The following OSBPL10 variants were observed in gnomAD, a reference collection of about 807,000 sequenced individuals.
OSBPL10 encodes oxysterol binding protein like 10.
A neutral mutation model predicts 81.7 loss-of-function variants in OSBPL10; 49 were observed. The ratio of observed to expected loss-of-function variants is 0.60; its 90% CI spans 0.48 to 0.76. OSBPL10 has a LOEUF of 0.76. OSBPL10 is among the 30% of genes least tolerant of loss of function. The probability of loss-of-function intolerance (pLI) is 0.00; values close to 1 mark genes in which losing one functional copy is unlikely to be tolerated. For synonymous variants in OSBPL10, 419 were observed against 383.6 expected (o/e 1.09, Z -1.08); for missense variants, 923 against 987.8 (o/e 0.93, Z 0.88).
chr3:32,049,828 G>A (rs1699654663), intron 1 of OSBPL10, among the ~76,000 whole-genome samples: 1 of 152,180 alleles, frequency 6.6e-6, no homozygotes, highest in African/African-American at 2.4e-5. Context: ...GCAAGCAGCT[G>A]CCTGAAGTTT....
At chr3:32,046,898 C>G (rs1699627148) in intron 1 of OSBPL10, among the ~76,000 whole-genome samples, 1 of 152,088 alleles carries the variant, frequency 6.6e-6, no homozygotes. Context: ...GAAGTCAGAC[C>G]CTGTTACCAG....
chr3:31,821,034 G>A (rs1699972354), intron 4 of OSBPL10, among the ~76,000 whole-genome samples: 1 of 152,078 alleles, frequency 6.6e-6, no homozygotes, highest in Admixed American at 6.5e-5. Context: ...CTAATTTCCA[G>A]GTGTAACATG....
intron 2 of OSBPL10, chr3:31,991,034 G>A (rs531025598): frequency 3.2e-5 from 47 of 1,477,676 alleles, no homozygotes; most frequent in Middle Eastern, 1.8e-4. Flanking sequence ...TGTTCCAAAT[G>A]CAATGAGTAT....
chr3:31,763,161 G>T (rs943268230), intron 4 of OSBPL10, among the ~76,000 whole-genome samples: 1 of 152,168 alleles, frequency 6.6e-6, no homozygotes, highest in African/African-American at 2.4e-5. Context: ...TCTGCAAATG[G>T]TTTGAAAGTT....
chr3:31,906,550 A>G (rs749191481), intron 1 of OSBPL10, among the ~76,000 whole-genome samples: 10 of 152,184 alleles, frequency 6.6e-5, no homozygotes, highest in Non-Finnish European at 1.2e-4. Context: ...CTCCATAACC[A>G]GGGACATTTT....
chr3:32,001,375 A>T (rs1302497784), intron 2 of OSBPL10, among the ~76,000 whole-genome samples: 1 of 152,206 alleles, frequency 6.6e-6, no homozygotes, highest in Admixed American at 6.5e-5. Flanking sequence ...TCAATAAAAT[A>T]ATAATCATAG....
chr3:31,831,849 T>G (rs1700251100), intron 3 of OSBPL10, among the ~76,000 whole-genome samples: 2 of 152,150 alleles, frequency 1.3e-5, no homozygotes. Flanking sequence ...CATCTCCCCC[T>G]GGCTCCAGCA....
At chr3:31,868,015 T>C (rs112908340) in intron 3 of OSBPL10, among the ~76,000 whole-genome samples, 7 of 150,456 alleles carry the variant, frequency 4.7e-5, no homozygotes, top group African/African-American at 1.5e-4. Context: ...AAACTGCCCA[T>C]GAAAACAAAA....
chr3:32,020,982 T>C (rs1699358956), intron 2 of OSBPL10, among the ~76,000 whole-genome samples: 1 of 152,250 alleles, frequency 6.6e-6, no homozygotes, highest in African/African-American at 2.4e-5. Context: ...CTTTTTGGCT[T>C]GCAGATGGCT....
intron 1 of OSBPL10, among the ~76,000 whole-genome samples, chr3:32,052,765 G>T (rs759332783): frequency 1.2e-4 from 19 of 152,078 alleles, no homozygotes; most frequent in Non-Finnish European, 2.8e-4. Flanking sequence ...AGATCACATG[G>T]ATGCAGGGAG....
intron 4 of OSBPL10, among the ~76,000 whole-genome samples, chr3:31,815,464 C>T (rs1157325357): frequency 2.6e-5 from 4 of 152,114 alleles, no homozygotes; most frequent in Non-Finnish European, 5.9e-5. Flanking sequence ...TAAAAGGAAA[C>T]ATTAGAGAAA....
intron 3 of OSBPL10, among the ~76,000 whole-genome samples, chr3:31,853,743 G>T (rs1700833078): frequency 1.3e-5 from 2 of 152,186 alleles, no homozygotes; most frequent in Admixed American, 6.5e-5. Flanking sequence ...GCACCTGCAC[G>T]TTCTGTTCTA....
chr3:31,914,645 C>T (rs953215882), intron 1 of OSBPL10, among the ~76,000 whole-genome samples: 23 of 152,246 alleles, frequency 1.5e-4, no homozygotes, highest in Middle Eastern at 6.8e-3. Context: ...TCCTAGTTAC[C>T]GCAAATGAGG....
chr3:32,035,764 A>AT (rs1268085277), intron 2 of OSBPL10, among the ~76,000 whole-genome samples: 1 of 152,170 alleles, frequency 6.6e-6, no homozygotes, highest in Non-Finnish European at 1.5e-5. Flanking sequence ...TTAGACGCAA[A>AT]TTTATAGAGA....
chr3:31,996,463 T>C (rs934386748), intron 2 of OSBPL10, among the ~76,000 whole-genome samples: 2 of 151,730 alleles, frequency 1.3e-5, no homozygotes, highest in Non-Finnish European at 2.9e-5. Context: ...AGCCAACCTA[T>C]GTGTGATCTG....
intron 1 of OSBPL10, among the ~76,000 whole-genome samples, chr3:31,971,856 C>T (rs1421502833): frequency 6.6e-6 from 1 of 152,188 alleles, no homozygotes; most frequent in African/African-American, 2.4e-5. Context: ...CAAAGTCTAA[C>T]CTACTTACTA....
intron 2 of OSBPL10, among the ~76,000 whole-genome samples, chr3:31,998,870 A>G (rs1048001953): frequency 1.3e-5 from 2 of 152,190 alleles, no homozygotes; most frequent in African/African-American, 4.8e-5. Flanking sequence ...TTCTTTTTCA[A>G]CTATCTTGGA....
chr3:31,888,133 AC>A (rs1185220215), intron 1 of OSBPL10, among the ~76,000 whole-genome samples: 5 of 152,178 alleles, frequency 3.3e-5, no homozygotes, highest in Admixed American at 2.0e-4. Flanking sequence ...AGACACATAA[AC>A]CAATGGAACA....
At chr3:31,695,075 T>C (rs985727571) in intron 7 of OSBPL10, among the ~76,000 whole-genome samples, 1 of 152,172 alleles carries the variant, frequency 6.6e-6, no homozygotes, top group Non-Finnish European at 1.5e-5. Flanking sequence ...GTTTCATGTG[T>C]TCTTGATTGA....
Sources: allele counts gnomAD v4.1 joint callset (sites outside exome capture counted in the v4.1 genomes callset), GRCh38; gene constraint gnomAD v4.1.1; transcripts MANE v1.5; gene names NCBI Gene and HGNC (gene_info 2026-07-23, HGNC 2026-07-21).